Variants in GRID1 observed in about 807,000 individuals in gnomAD.
GRID1 encodes glutamate ionotropic receptor delta type subunit 1.
In GRID1, 28 loss-of-function variants were observed where a neutral mutation model predicts 98.0. The observed-to-expected ratio is 0.29, with a 90% CI of 0.21 to 0.39. The LOEUF is 0.39. Ranked by LOEUF, GRID1 falls within the 10% of genes least tolerant of loss-of-function variation. The pLI, the probability that GRID1 is intolerant of heterozygous loss-of-function variation, is 1.00. For missense variants in GRID1, 1,111 were observed against 1,340.5 expected, an observed-to-expected ratio of 0.83 and a Z score of 2.67; for synonymous variants, 553 against 538.5, an observed-to-expected ratio of 1.03 and a Z score of -0.37.
At chr10:86,197,002 G>A (rs544404322) in intron 3 of GRID1, among the ~76,000 whole-genome samples, 1 of 152,132 alleles carries the variant, frequency 6.6e-6, no homozygotes, top group African/African-American at 2.4e-5. Context: ...CTAAGCTTTA[G>A]GTGCTGTTCT....
At chr10:86,011,273 A>T (rs1463605445) in intron 4 of GRID1, among the ~76,000 whole-genome samples, 1 of 152,240 alleles carries the variant, frequency 6.6e-6, no homozygotes, top group Non-Finnish European at 1.5e-5. Flanking sequence ...ACATGTGATC[A>T]TCTGAAATAA....
chr10:85,612,840 G>A (rs1056947060), intron 15 of GRID1, among the ~76,000 whole-genome samples: 1 of 152,046 alleles, frequency 6.6e-6, no homozygotes, highest in African/African-American at 2.4e-5. Flanking sequence ...GGAGAAATGT[G>A]TGCCCAGAAC....
chr10:85,622,542 C>T (rs1265690256), intron 13 of GRID1, among the ~76,000 whole-genome samples: 1 of 152,128 alleles, frequency 6.6e-6, no homozygotes. Flanking sequence ...TGCCAGGCTG[C>T]CAATATATTT....
chr10:85,627,896 A>C lies in GRID1; in HGVS notation c.2194-7863T>G, dbSNP rs138725572. ...TCCATCTGTCAGCTGTGATTGAAGC[A>C]TTTTTCCTCCACCTACTCCCCTCCT... On this transcript the variant is annotated intron_variant, in intron 13 of 15. Transcript: ENST00000327946. 2.9e-3 allele frequency among the ~76,000 whole-genome samples: 448 copies of C among 152,114 alleles called. 3 individuals carry two copies. The highest frequency in any genetic ancestry group is 0.01 in the African/African-American group (429 of 41,482).
chr10:86,254,034 AC>A (rs1425170868), intron 2 of GRID1, among the ~76,000 whole-genome samples: 3 of 151,270 alleles, frequency 2.0e-5, no homozygotes, highest in Non-Finnish European at 2.9e-5. Flanking sequence ...TGTCACCGCC[AC>A]CCCCTTCCCT....
intron 2 of GRID1, among the ~76,000 whole-genome samples, chr10:86,214,191 C>A (rs1564708403): frequency 6.6e-6 from 1 of 152,178 alleles, no homozygotes. Flanking sequence ...AACGCACACC[C>A]TAATGGGACC....
intron 8 of GRID1, among the ~76,000 whole-genome samples, chr10:85,770,467 T>C (rs1264906860): frequency 6.6e-6 from 1 of 152,206 alleles, no homozygotes; most frequent in Non-Finnish European, 1.5e-5. Flanking sequence ...GGAACAAAGC[T>C]GGACGGAGAA....
intron 2 of GRID1, among the ~76,000 whole-genome samples, chr10:86,282,963 A>T (rs1847377063): frequency 1.3e-5 from 2 of 151,986 alleles, no homozygotes; most frequent in African/African-American, 4.8e-5. Flanking sequence ...TGGCATAAGG[A>T]CCCTTCACAG....
intron 8 of GRID1, among the ~76,000 whole-genome samples, chr10:85,765,832 T>C (rs1042613722): frequency 3.3e-5 from 5 of 152,352 alleles, no homozygotes; most frequent in Non-Finnish European, 7.3e-5. Flanking sequence ...AGCCACACTT[T>C]TTCTTGTATC....
chr10:85,626,749 G>GTT (rs1376376792), intron 13 of GRID1, among the ~76,000 whole-genome samples: 1 of 152,230 alleles, frequency 6.6e-6, no homozygotes, highest in East Asian at 1.9e-4. Flanking sequence ...TGGCTACAGT[G>GTT]TTACCTGTAT....
intron 12 of GRID1, among the ~76,000 whole-genome samples, chr10:85,677,066 A>T (rs1841153014): frequency 1.3e-5 from 2 of 152,200 alleles, no homozygotes; most frequent in South Asian, 4.1e-4. Context: ...AACTCTCTTG[A>T]TGATTTGGGA....
At chr10:86,108,947 C>T (rs1844434406) in intron 4 of GRID1, among the ~76,000 whole-genome samples, 2 of 152,146 alleles carry the variant, frequency 1.3e-5, no homozygotes, top group South Asian at 4.1e-4. Flanking sequence ...CGAGCCCCTC[C>T]CCAACCCATG....
intron 4 of GRID1, among the ~76,000 whole-genome samples, chr10:86,006,870 A>G (rs1350193502): frequency 1.3e-5 from 2 of 151,636 alleles, no homozygotes; most frequent in Non-Finnish European, 2.9e-5. Flanking sequence ...GAACAAGAAC[A>G]GACTGGATGT....
Position 86,219,281 on chromosome 10 carries a change from C to A in GRID1, c.236-12633G>T, listed in dbSNP as rs537122720. Among the ~76,000 whole-genome samples, 5 of 152,368 alleles carry A rather than the reference C, an allele frequency of 3.3e-5. No individual in the cohort carries two copies. The South Asian group carries it at 1.0e-3, about 32-fold the overall frequency. On this transcript the variant is annotated intron_variant, in intron 2 of 15. Transcript: ENST00000327946. The stretch of plus-strand genomic sequence containing the variant: ...GCTGCTGGGCTCTTGACCCAGAACC[C>A]CCAATCCATCGTCCACCTTTCCTGA...
At chr10:85,716,308 G>T (rs1377741508) in intron 12 of GRID1, among the ~76,000 whole-genome samples, 1 of 151,912 alleles carries the variant, frequency 6.6e-6, no homozygotes, top group Non-Finnish European at 1.5e-5. Flanking sequence ...ACTATCGCAA[G>T]GACAAAAAAA....
intron 3 of GRID1, among the ~76,000 whole-genome samples, chr10:86,191,559 G>A (rs1480297389): frequency 3.3e-5 from 5 of 151,330 alleles, no homozygotes; most frequent in Admixed American, 3.3e-4. Flanking sequence ...TGAGAAGCAT[G>A]GTCAGGAGAC....
At chr10:85,879,353 C>G (rs538329053) in intron 5 of GRID1, among the ~76,000 whole-genome samples, 1 of 152,080 alleles carries the variant, frequency 6.6e-6, no homozygotes, top group Non-Finnish European at 1.5e-5. Flanking sequence ...TATTCCAAAA[C>G]TGACCACATA....
intron 12 of GRID1, among the ~76,000 whole-genome samples, chr10:85,659,355 G>A (rs1348893130): frequency 1.3e-5 from 2 of 152,198 alleles, no homozygotes; most frequent in African/African-American, 4.8e-5. Context: ...TAAAATAGAG[G>A]AGTGGTTGTG....
chr10:85,708,171 G>A lies in GRID1; in HGVS notation c.1997+14832C>T, dbSNP rs375736322. Among the ~76,000 whole-genome samples, 288 of 149,172 alleles carry A rather than the reference G, an allele frequency of 1.9e-3. 2 individuals carry two copies. Among genetic ancestry groups the A allele is most frequent in the African/African-American group, 5.6e-3 (228 of 40,766 alleles). ...ATAATCCCCAGCACTTTGGGAGGCCGAGGTGGGCGGATCACGAGGTCAGGA... is the reference window on the plus strand; with the variant it reads ...ATAATCCCCAGCACTTTGGGAGGCCAAGGTGGGCGGATCACGAGGTCAGGA... On this transcript the variant is annotated intron_variant, in intron 12 of 15. Transcript: ENST00000327946.
Sources: gnomAD v4.1 joint callset for allele counts (sites outside exome capture counted in the v4.1 genomes callset) on GRCh38, gnomAD v4.1.1 for gene constraint, MANE v1.5 for transcripts, NCBI Gene and HGNC (gene_info 2026-07-23, HGNC 2026-07-21) for gene names.